The following DOCK1 variants were observed in gnomAD, a reference collection of about 807,000 sequenced individuals.
The protein encoded by DOCK1 is dedicator of cytokinesis protein 1.
DOCK1 carries 138 observed loss-of-function variants against 262.7 expected under a neutral mutation model. That is an observed-to-expected ratio of 0.53 (90% CI 0.46 to 0.61). DOCK1 has a LOEUF of 0.61. DOCK1 is among the 20% of genes least tolerant of loss of function. The probability of loss-of-function intolerance (pLI) is 0.00; values close to 1 mark genes in which losing one functional copy is unlikely to be tolerated. For synonymous variants in DOCK1, 866 were observed against 867.4 expected (o/e 1.00, Z 0.03); for missense variants, 1,908 against 2,370.7 (o/e 0.80, Z 4.05).
At chr10:126,943,447 G>A (rs1179595929) in intron 1 of DOCK1, among the ~76,000 whole-genome samples, 1 of 152,162 alleles carries the variant, frequency 6.6e-6, no homozygotes, top group Non-Finnish European at 1.5e-5. Context: ...TGTTAAATGG[G>A]AGTAGTAATA....
At chr10:127,408,362 A>G (rs1428946930) in intron 40 of DOCK1, among the ~76,000 whole-genome samples, 2 of 152,134 alleles carry the variant, frequency 1.3e-5, no homozygotes, top group Non-Finnish European at 2.9e-5. Context: ...GTTGATGAAT[A>G]ATGACCTGCA....
At chr10:127,017,788 C>G (rs1049221783) in intron 12 of DOCK1, among the ~76,000 whole-genome samples, 1 of 142,248 alleles carries the variant, frequency 7.0e-6, no homozygotes, top group Non-Finnish European at 1.5e-5. Context: ...CAGCCCCTTC[C>G]CATGGGGGGA....
intron 1 of DOCK1, among the ~76,000 whole-genome samples, chr10:126,937,027 T>C (rs1345169357): frequency 6.6e-6 from 1 of 152,186 alleles, no homozygotes; most frequent in Non-Finnish European, 1.5e-5. Context: ...GCATTTGTCA[T>C]TTTGTGAGTG....
intron 1 of DOCK1, among the ~76,000 whole-genome samples, chr10:126,949,971 A>G (rs972316823): frequency 0.051 from 7,808 of 152,024 alleles, 284 homozygotes; most frequent in Middle Eastern, 0.15. Flanking sequence ...AAGCTGGGTC[A>G]GAAACATTAG....
chr10:127,050,613 G>C (rs1371021775), intron 21 of DOCK1, among the ~76,000 whole-genome samples: 1 of 151,772 alleles, frequency 6.6e-6, no homozygotes, highest in Admixed American at 6.6e-5. Context: ...GCTGAGGCAG[G>C]AGAATCGCTG....
At chr10:127,014,335 C>T (rs111641684) in intron 12 of DOCK1, among the ~76,000 whole-genome samples, 6 of 152,302 alleles carry the variant, frequency 3.9e-5, no homozygotes, top group Admixed American at 1.3e-4. Context: ...CAAATGTCAA[C>T]CCCAAATGCA....
At chr10:126,911,455 G>A (rs1257020487) in intron 1 of DOCK1, among the ~76,000 whole-genome samples, 1 of 152,190 alleles carries the variant, frequency 6.6e-6, no homozygotes, top group East Asian at 1.9e-4. Flanking sequence ...GGAGTGGAAG[G>A]CTGACCGGGC....
chr10:126,910,477 T>C (rs1315532976), intron 1 of DOCK1, among the ~76,000 whole-genome samples: 3 of 150,488 alleles, frequency 2.0e-5, no homozygotes, highest in African/African-American at 7.3e-5. Flanking sequence ...CTTCCCTCCC[T>C]CCCTTTTCCC....
At chr10:127,105,624 C>T (rs1446112098) in intron 23 of DOCK1, among the ~76,000 whole-genome samples, 1 of 152,164 alleles carries the variant, frequency 6.6e-6, no homozygotes, top group Non-Finnish European at 1.5e-5. Flanking sequence ...AGGAGAAAAT[C>T]ACATGCATGC....
In DOCK1 at chr10:127,324,920, GAACCAGC is replaced by G. The variant is rs557758093; in HGVS notation, c.3045-14084_3045-14078del. 2.5e-3 allele frequency among the ~76,000 whole-genome samples: 382 copies of G among 152,200 alleles called. 3 individuals are homozygous for G. Among genetic ancestry groups the G allele is most frequent in the Admixed American group, 4.3e-3 (66 of 15,278 alleles). On this transcript the variant is annotated intron_variant, in intron 29 of 51. Coordinates refer to ENST00000623213, the MANE Select transcript of DOCK1 (RefSeq NM_001290223.2). The stretch of plus-strand genomic sequence containing the variant: ...AATTTGCATGGATAGTCATCTTAGG[GAACCAGC>G]ATCCTCCAGACCCACAGCTTCTTGC...
intron 27 of DOCK1, among the ~76,000 whole-genome samples, chr10:127,234,547 A>G (rs2058975717): frequency 6.6e-6 from 1 of 152,118 alleles, no homozygotes; most frequent in South Asian, 2.1e-4. Flanking sequence ...TTGCATGTCT[A>G]AGTGGGAAGG....
At chr10:127,327,655 A>C (rs1323046114) in intron 29 of DOCK1, among the ~76,000 whole-genome samples, 1 of 152,180 alleles carries the variant, frequency 6.6e-6, no homozygotes, top group Non-Finnish European at 1.5e-5. Flanking sequence ...TTGGAAACAC[A>C]TAGCAAAGAA....
At chr10:127,230,329 C>G (rs2134550764) in intron 27 of DOCK1, among the ~76,000 whole-genome samples, 1 of 152,144 alleles carries the variant, frequency 6.6e-6, no homozygotes, top group Admixed American at 6.5e-5. Context: ...AGGTTATATC[C>G]AAAAACTCAT....
intron 27 of DOCK1, among the ~76,000 whole-genome samples, chr10:127,143,806 G>T (rs951077): frequency 0.82 from 124,025 of 152,038 alleles, 51,518 homozygotes; most frequent in South Asian, 0.92. Flanking sequence ...TGGCCACCTC[G>T]CCAGGCAATA....
rs369249792 is a variant in DOCK1, at chr10:127,439,218, C to T, written c.5252C>T (p.Ser1751Leu). 2.3e-5 allele frequency: 37 copies of T among 1,608,966 alleles called. No homozygotes were observed. The highest frequency in any genetic ancestry group is 5.6e-5 in the South Asian group (5 of 89,406). ...SLQQSEAVIL[S>L]ETISPLRPQR... The stretch of plus-strand genomic sequence containing the variant: ...CAGCAGTCTGAGGCTGTGATCCTTT[C>T]GGAAACGGTAACCCGACAGGGTATC... The change falls in exon 49 of 52, where the codon TCG becomes TTG. Residue 1751 changes from serine to leucine, a missense_variant. Around this residue, in one of 9 missense-constraint regions of DOCK1, gnomAD observed 383 missense variants for 420.1 expected, o/e 0.91. Coordinates refer to ENST00000623213, the MANE Select transcript of DOCK1 (RefSeq NM_001290223.2).
chr10:127,103,629 C>T (rs774663118), intron 23 of DOCK1, among the ~76,000 whole-genome samples: 2 of 152,054 alleles, frequency 1.3e-5, no homozygotes, highest in African/African-American at 2.4e-5. Flanking sequence ...TCTGCAGGAA[C>T]GTTGGGGATG....
At chr10:127,348,318 A>G (rs764379200) in intron 31 of DOCK1, among the ~76,000 whole-genome samples, 4 of 152,022 alleles carry the variant, frequency 2.6e-5, no homozygotes, top group Non-Finnish European at 2.9e-5. Flanking sequence ...CCTTTTTTAC[A>G]TTATTGGGGT....
intron 27 of DOCK1, among the ~76,000 whole-genome samples, chr10:127,170,469 C>G (rs541533200): frequency 6.6e-6 from 1 of 152,218 alleles, no homozygotes; most frequent in Non-Finnish European, 1.5e-5. Flanking sequence ...AAGCTTCTCA[C>G]GATCATTTCT....
At chr10:126,954,924 G>A (rs2036609115) in intron 1 of DOCK1, among the ~76,000 whole-genome samples, 1 of 152,164 alleles carries the variant, frequency 6.6e-6, no homozygotes, top group African/African-American at 2.4e-5. Flanking sequence ...CCCGCTTTCA[G>A]TTATGTTGGT....
Sources: gnomAD v4.1 joint callset for allele counts (sites outside exome capture counted in the v4.1 genomes callset) on GRCh38, gnomAD v4.1.1 for gene constraint, gnomAD v4.1.1 regional missense constraint, MANE v1.5 for transcripts, NCBI Gene and HGNC (gene_info 2026-07-23, HGNC 2026-07-21) for gene names.